The following NLGN1 variants were observed in gnomAD, a reference collection of about 807,000 sequenced individuals.
NLGN1 encodes neuroligin-1.
In NLGN1, 12 loss-of-function variants were observed where a neutral mutation model predicts 65.5. The ratio of observed to expected loss-of-function variants is 0.18; its 90% CI spans 0.12 to 0.30. The LOEUF is 0.30. Ranked by LOEUF, NLGN1 falls within the 10% of genes least tolerant of loss-of-function variation. The pLI is 1.00. For missense variants in NLGN1, 750 were observed against 1,007.1 expected, an observed-to-expected ratio of 0.74 and a Z score of 3.46; for synonymous variants, 350 against 359.5, an observed-to-expected ratio of 0.97 and a Z score of 0.30.
At chr3:174,263,050 T>G (rs1173170591) in intron 4 of NLGN1, among the ~76,000 whole-genome samples, 4 of 138,060 alleles carry the variant, frequency 2.9e-5, no homozygotes, top group African/African-American at 8.3e-5. Context: ...GTCTGAGAGA[T>G]AGTTTGTTAT....
At chr3:173,784,617 AGAG>A (rs1289016188) in intron 3 of NLGN1, among the ~76,000 whole-genome samples, 1 of 152,158 alleles carries the variant, frequency 6.6e-6, no homozygotes, top group Non-Finnish European at 1.5e-5. Flanking sequence ...AGAAACAGAG[AGAG>A]GAGAGAGAGA....
At chr3:174,242,569 TG>T (rs1743086231) in intron 4 of NLGN1, among the ~76,000 whole-genome samples, 1 of 152,000 alleles carries the variant, frequency 6.6e-6, no homozygotes, top group Non-Finnish European at 1.5e-5. Flanking sequence ...AATTATGAAG[TG>T]TGCATGCAAA....
At chr3:173,899,214 A>C (rs1431606649) in intron 4 of NLGN1, among the ~76,000 whole-genome samples, 2 of 152,102 alleles carry the variant, frequency 1.3e-5, no homozygotes, top group Non-Finnish European at 2.9e-5. Context: ...TGGGGTAAAT[A>C]CATTTTAAAA....
At chr3:173,624,243 C>CT (rs1754473075) in intron 3 of NLGN1, among the ~76,000 whole-genome samples, 1 of 152,114 alleles carries the variant, frequency 6.6e-6, no homozygotes, top group Admixed American at 6.6e-5. Flanking sequence ...TTTTCAGATT[C>CT]TTTCTAGGAA....
chr3:173,604,830 A>T (rs750181718), exon 3 of NLGN1: 2 of 1,613,738 alleles, frequency 1.2e-6, no homozygotes, highest in Non-Finnish European at 1.7e-6. Context: ...GGGGCCTGTT[A>T]TTCAATTTCT....
chr3:173,494,490 T>C (rs1446254737), intron 2 of NLGN1, among the ~76,000 whole-genome samples: 1 of 151,754 alleles, frequency 6.6e-6, no homozygotes, highest in Non-Finnish European at 1.5e-5. Flanking sequence ...GTTATTGCTT[T>C]CCTATTCATT....
chr3:173,657,078 A>C (rs1008492102), intron 3 of NLGN1, among the ~76,000 whole-genome samples: 1 of 152,090 alleles, frequency 6.6e-6, no homozygotes, highest in Non-Finnish European at 1.5e-5. Flanking sequence ...CAAGAAAAAC[A>C]TGTAGTTTTT....
chr3:174,235,594 G>A (rs1741561659), intron 4 of NLGN1, among the ~76,000 whole-genome samples: 1 of 151,928 alleles, frequency 6.6e-6, no homozygotes, highest in Non-Finnish European at 1.5e-5. Flanking sequence ...GTAAAACAGA[G>A]GATCTGTTTT....
At chr3:173,675,885 T>TCACA (rs755774548) in intron 3 of NLGN1, among the ~76,000 whole-genome samples, 23 of 121,162 alleles carry the variant, frequency 1.9e-4, no homozygotes, top group African/African-American at 6.9e-4. Context: ...TCTCTCTCTC[T>TCACA]CTCACACACA....
chr3:173,893,090 CGCAGAAAATCAGGG>C (rs1735660796), intron 4 of NLGN1, among the ~76,000 whole-genome samples: 1 of 152,084 alleles, frequency 6.6e-6, no homozygotes, highest in African/African-American at 2.4e-5. Flanking sequence ...AGAAATCAGG[CGCAGAAAATCAGGG>C]GCCCTCTCAT....
chr3:174,237,504 A>G (rs1350480839), intron 4 of NLGN1, among the ~76,000 whole-genome samples: 1 of 152,204 alleles, frequency 6.6e-6, no homozygotes, highest in Non-Finnish European at 1.5e-5. Flanking sequence ...TGAGCCAAGC[A>G]TATCTGAAGT....
At chr3:173,922,689 A>C (rs768075882) in intron 4 of NLGN1, among the ~76,000 whole-genome samples, 1 of 152,126 alleles carries the variant, frequency 6.6e-6, no homozygotes, top group Non-Finnish European at 1.5e-5. Flanking sequence ...GATAAAAAGA[A>C]GCTTAAGCTC....
chr3:173,414,520 G>A (rs1713271945), intron 1 of NLGN1, among the ~76,000 whole-genome samples: 1 of 151,592 alleles, frequency 6.6e-6, no homozygotes, highest in South Asian at 2.1e-4. Context: ...GCTTCAGTTT[G>A]CCACCTCAGA....
intron 4 of NLGN1, among the ~76,000 whole-genome samples, chr3:174,085,691 TC>T (rs56963429): frequency 0.16 from 23,754 of 152,002 alleles, 2,245 homozygotes; most frequent in African/African-American, 0.26. Flanking sequence ...ATGTTTTTCT[TC>T]TTTAAATTAA....
intron 4 of NLGN1, among the ~76,000 whole-genome samples, chr3:173,990,326 G>A (rs1720836689): frequency 6.6e-6 from 1 of 152,074 alleles, no homozygotes; most frequent in Non-Finnish European, 1.5e-5. Flanking sequence ...TACAAATTCT[G>A]TTTGTTGACT....
rs1249108387 is a variant in NLGN1, at chr3:173,747,303, T to C, written c.494-60377T>C. On this transcript the variant is annotated intron_variant, in intron 3 of 6. Coordinates refer to ENST00000457714, the Ensembl canonical transcript of NLGN1. The stretch of plus-strand genomic sequence containing the variant: ...TATATATTTAAATATATCTTATGTA[T>C]GTATATATTTATATATACTTATATA... Among the ~76,000 whole-genome samples, 5 of 137,954 alleles carry C rather than the reference T, an allele frequency of 3.6e-5. No homozygotes were observed. The East Asian group carries it at 1.0e-3, about 28-fold the overall frequency. The allele number at this position is 137,954 out of a possible 152,430, so 90.5% of individuals were successfully genotyped here. A position where few individuals can be genotyped will look rare whatever the true frequency, so the allele number is the denominator to read the frequency against.
intron 3 of NLGN1, among the ~76,000 whole-genome samples, chr3:173,733,387 G>A (rs369168603): frequency 4.3e-4 from 66 of 152,158 alleles, no homozygotes; most frequent in Middle Eastern, 3.4e-3. Flanking sequence ...GAATTGATAA[G>A]CTTAATGCCT....
At chr3:173,752,958 C>T (rs888116435) in intron 3 of NLGN1, among the ~76,000 whole-genome samples, 3 of 152,208 alleles carry the variant, frequency 2.0e-5, no homozygotes, top group Admixed American at 1.3e-4. Context: ...TTCCCTTATA[C>T]TCCAAGAAAG....
chr3:173,599,813 A>G (rs1245132630), intron 2 of NLGN1, among the ~76,000 whole-genome samples: 1 of 152,104 alleles, frequency 6.6e-6, no homozygotes, highest in African/African-American at 2.4e-5. Context: ...ATCAACACTT[A>G]CAGCACGTTT....
Sources: allele counts gnomAD v4.1 joint callset (sites outside exome capture counted in the v4.1 genomes callset), GRCh38; gene constraint gnomAD v4.1.1; transcripts MANE v1.5; gene names NCBI Gene and HGNC (gene_info 2026-07-23, HGNC 2026-07-21).